SPTBN4: variants seen among roughly 807,000 people sequenced by gnomAD.
The protein encoded by SPTBN4 is spectrin beta chain, non-erythrocytic 4.
Under a neutral mutation model 277.8 loss-of-function variants are expected in SPTBN4, and 96 were observed. The ratio of observed to expected loss-of-function variants is 0.35; its 90% confidence interval spans 0.29 to 0.41. The LOEUF is 0.41. SPTBN4 is among the 10% of genes least tolerant of loss of function. The probability of loss-of-function intolerance (pLI) is 1.00; values close to 1 mark genes in which losing one functional copy is unlikely to be tolerated. For synonymous variants in SPTBN4, 1,481 were observed against 1,580.3 expected, an observed-to-expected ratio of 0.94 and a Z score of 1.49; for missense variants, 3,006 against 3,595.7, an observed-to-expected ratio of 0.84 and a Z score of 4.19.
chr19:40,570,426 C>T lies in SPTBN4; in HGVS notation c.7027-10C>T. On this transcript the variant is annotated splice_polypyrimidine_tract_variant and intron_variant, in intron 32 of 35. Transcript: ENST00000598249. ...TGGACAGCACCCCTCTTCCCCCTCC[C>T]TTCACACAGCCGTCGCTGCCTCAGC... is the stretch of plus-strand genomic sequence containing the variant. 1.9e-6 allele frequency: 3 copies of T among 1,556,490 alleles called. No homozygotes were observed. Among genetic ancestry groups the T allele is most frequent in the South Asian group, 1.1e-5 (1 of 88,264 alleles).
At chr19:40,496,316 ATTG>A (rs1395969797) in intron 6 of SPTBN4, among the ~76,000 whole-genome samples, 1 of 152,140 alleles carries the variant, frequency 6.6e-6, no homozygotes, top group South Asian at 2.1e-4. Flanking sequence ...CACCTGGATA[ATTG>A]TTGTATTTTT....
intron 25 of SPTBN4, among the ~76,000 whole-genome samples, chr19:40,556,584 T>TATG (rs35565841): frequency 0.44 from 66,724 of 151,174 alleles, 15,486 homozygotes; most frequent in African/African-American, 0.5. Flanking sequence ...TATTATTTTT[T>TATG]ATGATGATGA....
In SPTBN4 at chr19:40,533,711, G is replaced by A. The variant is rs534901198; in HGVS notation, c.4096-369G>A. Among the ~76,000 whole-genome samples, 10 of 151,498 alleles carry A rather than the reference G, an allele frequency of 6.6e-5. No homozygotes were observed. In the South Asian group the frequency reaches 1.9e-3, roughly 29 times the overall value. On this transcript the variant is annotated intron_variant, in intron 19 of 35. Coordinates refer to ENST00000598249, the MANE Select transcript of SPTBN4 (RefSeq NM_020971.3). ...TCCCTCTATCCTTGTCTTTCTTACG[G>A]TCCTCTCCCCATGTTTCTGATTTTC...
intron 7 of SPTBN4, among the ~76,000 whole-genome samples, chr19:40,499,955 A>G (rs915226791): frequency 6.6e-6 from 1 of 151,944 alleles, no homozygotes; most frequent in African/African-American, 2.4e-5. Context: ...TTAAAATGAT[A>G]TCACTCAGTC....
Position 40,504,141 on chromosome 19 carries a change from G to C in SPTBN4, c.1665+9G>C, listed in dbSNP as rs565646625. ...GGATGGAGGAGATGCAGGTGCCGGC[G>C]GGGGGGCGGGGATGCGGGTGGAGTG... On this transcript the variant is annotated intron_variant, in intron 12 of 35. Transcript: ENST00000598249. 6.6e-5 allele frequency: 84 copies of C among 1,280,150 alleles called. 4 individuals carry two copies. In the African/African-American group the frequency reaches 9.2e-4, roughly 14 times the overall value. 79.3% of individuals were successfully genotyped at this position (1,280,150 alleles called of 1,614,324 possible).
At chr19:40,553,024 C>T (rs1352592370) in intron 22 of SPTBN4, among the ~76,000 whole-genome samples, 1 of 152,196 alleles carries the variant, frequency 6.6e-6, no homozygotes, top group African/African-American at 2.4e-5. Context: ...GTGACCTTAG[C>T]AAATTCCTCA....
intron 19 of SPTBN4, among the ~76,000 whole-genome samples, chr19:40,533,527 C>T (rs1469424948): frequency 6.6e-6 from 1 of 152,182 alleles, no homozygotes; most frequent in Admixed American, 6.5e-5. Flanking sequence ...TTCTGACTCA[C>T]ACAGAGACAC....
rs61584591 is a variant in SPTBN4 at position 40,473,354 on chromosome 19, GTTTTTTTTT to G, written c.169+576_169+584del. On this transcript the variant is annotated intron_variant, in intron 2 of 35. Coordinates refer to ENST00000598249, the MANE Select transcript of SPTBN4 (RefSeq NM_020971.3). Reference sequence around the variant, plus strand: ...CATGAGCCACTGCACCTGGCCTGGTGTTTTTTTTTTTTTTTTTTTTGAGACGGAGTTTCG... The same window carrying G: ...CATGAGCCACTGCACCTGGCCTGGTGTTTTTTTTTTTGAGACGGAGTTTCG... Among the ~76,000 whole-genome samples, 26 of 99,094 alleles carry G rather than the reference GTTTTTTTTT, an allele frequency of 2.6e-4. 1 individual carries two copies. Among genetic ancestry groups the G allele is most frequent in the Admixed American group, 1.6e-3 (14 of 8,868 alleles). The allele number at this position is 99,094 out of a possible 152,430, so 65.0% of individuals were successfully genotyped here.
intron 17 of SPTBN4, 30 bp from the exon 18 acceptor site, chr19:40,529,011 T>C (rs770865273): frequency 1.3e-6 from 2 of 1,599,498 alleles, no homozygotes; most frequent in East Asian, 4.5e-5. Context: ...ACCCGGGGCC[T>C]TTCCCCAGCC....
chr19:40,570,595 C>T lies in SPTBN4; in HGVS notation c.7186C>T (p.Arg2396Trp), dbSNP rs868866792. ...PREGGEGGGS[R>W]RSRSAPAQGG... ...AGAGGGTGGTGAGGGCGGGGGAAGC[C>T]GGCGCTCGCGCTCCGCCCCGGCCCA... The change falls in exon 33 of 36, where the codon CGG (arginine) becomes TGG (tryptophan). Residue 2396 changes from arginine to tryptophan, a missense_variant. Physicochemically the swap from Arg to Trp is moderately radical, Grantham distance 101 (BLOSUM62 -3). Coordinates refer to ENST00000598249, the MANE Select transcript of SPTBN4 (RefSeq NM_020971.3). 1 of 1,378,826 alleles carries T rather than the reference C, an allele frequency of 7.3e-7. No individual in the cohort carries two copies. The highest frequency in any genetic ancestry group is 9.4e-7 in the Non-Finnish European group (1 of 1,066,744). The allele number at this position is 1,378,826 out of a possible 1,614,324, so 85.4% of individuals were successfully genotyped here. A position where few individuals can be genotyped will look rare whatever the true frequency, so the allele number is the denominator to read the frequency against.
chr19:40,504,154 T>TGTG, intron 12 of SPTBN4, 22 bp downstream of exon 12: 1 of 777,712 alleles, frequency 1.3e-6, no homozygotes. Context: ...GGGGCGGGGA[T>TGTG]GCGGGTGGAG....
rs35597606 is a variant in SPTBN4 at position 40,509,085 on chromosome 19, C to CTT, written c.1816+2717_1816+2718dup. 7.5e-3 allele frequency among the ~76,000 whole-genome samples: 751 copies of CTT among 100,208 alleles called. 21 individuals carry two copies. Among genetic ancestry groups the CTT allele is most frequent in the African/African-American group, 0.029 (707 of 24,568 alleles). 65.7% of individuals were successfully genotyped at this position (100,208 alleles called of 152,430 possible). On this transcript the variant is annotated intron_variant, in intron 13 of 35. Coordinates refer to ENST00000598249, the MANE Select transcript of SPTBN4 (RefSeq NM_020971.3). ...TTATTATTATTGTTGTTGTTTATTGCTTTTTTTTTTTTTTTTTTTAGACAC... is the reference window on the plus strand; with the variant it reads ...TTATTATTATTGTTGTTGTTTATTGCTTTTTTTTTTTTTTTTTTTTTAGACAC...
intron 18 of SPTBN4, 144 bp downstream of exon 18, chr19:40,529,275 G>T (rs2080633586): frequency 2.7e-6 from 2 of 734,804 alleles, no homozygotes; most frequent in Non-Finnish European, 4.4e-6. Context: ...GGCGCGCGGA[G>T]CCGGGTCTCA....
At chr19:40,569,374 G>A (rs377418005) in intron 31 of SPTBN4, among the ~76,000 whole-genome samples, 2 of 148,624 alleles carry the variant, frequency 1.3e-5, no homozygotes, top group Admixed American at 6.8e-5. Flanking sequence ...GCAGTGAGCC[G>A]AGATCATGCA....
chr19:40,471,771 C>T (rs574431756), intron 1 of SPTBN4, among the ~76,000 whole-genome samples: 1 of 152,194 alleles, frequency 6.6e-6, no homozygotes, highest in African/African-American at 2.4e-5. Context: ...CAGTTTCTGG[C>T]TCTGCTGCCC....
intron 18 of SPTBN4, among the ~76,000 whole-genome samples, chr19:40,531,470 T>TG (rs2080671993): frequency 5.6e-5 from 3 of 53,896 alleles, no homozygotes; most frequent in Middle Eastern, 6.8e-3. Flanking sequence ...GTTTGTTTTT[T>TG]TTTTTTTTTT....
At position 40,534,229 on chromosome 19, in the gene SPTBN4, G is replaced by A; in HGVS notation, c.4245G>A (p.Leu1415=). The A allele has an allele frequency of 6.2e-7, 1 of 1,614,096 alleles. No homozygotes were observed. Residue 1415 remains leucine (L), a synonymous_variant, in exon 20 of 36, where the codon CTG becomes CTA. Transcript: ENST00000598249. ...QLFEASKADQ[L]VQSFAELDKK... is the part of the protein sequence containing the mutation. ...TTGAGGCCAGCAAAGCAGACCAGCTGGTGCAGAGCTTTGCTGAGCTGGACA... is the reference window on the plus strand; with the variant it reads ...TTGAGGCCAGCAAAGCAGACCAGCTAGTGCAGAGCTTTGCTGAGCTGGACA...
At chr19:40,567,238 C>A (rs1341549263) in intron 30 of SPTBN4, 1 of 408,056 alleles carries the variant, frequency 2.5e-6, no homozygotes, top group African/African-American at 2.1e-5. Context: ...GTCAAGGCTG[C>A]AATGAGCTAT....
Position 40,502,599 on chromosome 19 carries a change from T to G in SPTBN4, c.1203+92T>G. ...AAGGGAATCATTCACATTGTAGACATGATGGATTAGATATTCATTCTGACA... is the reference window on the plus strand; with the variant it reads ...AAGGGAATCATTCACATTGTAGACAGGATGGATTAGATATTCATTCTGACA... On this transcript the variant is annotated intron_variant, in intron 10 of 35. Coordinates refer to ENST00000598249, the MANE Select transcript of SPTBN4 (RefSeq NM_020971.3). The surrounding 1 kb of genome is among the most constrained non-coding windows in gnomAD (Gnocchi z 4.9). 5.6e-6 allele frequency: 8 copies of G among 1,435,312 alleles called. No homozygotes were observed. Among genetic ancestry groups the G allele is most frequent in the Non-Finnish European group, 7.6e-6 (8 of 1,057,616 alleles). 88.9% of individuals were successfully genotyped at this position (1,435,312 alleles called of 1,614,324 possible). A position where few individuals can be genotyped will look rare whatever the true frequency, so the allele number is the denominator to read the frequency against.
Sources: allele counts gnomAD v4.1 joint callset (sites outside exome capture counted in the v4.1 genomes callset), GRCh38; gene constraint gnomAD v4.1.1; non-coding constraint Gnocchi (gnomAD v3.1); transcripts MANE v1.5; gene names NCBI Gene and HGNC (gene_info 2026-07-23, HGNC 2026-07-21).